The following ATP8A2 variants were observed in gnomAD, a reference collection of about 807,000 sequenced individuals.
ATP8A2 encodes the protein ATPase phospholipid transporting 8A2.
In ATP8A2, 100 loss-of-function variants were observed where a neutral mutation model predicts 165.6. That is an observed-to-expected ratio of 0.60 (90% CI 0.51 to 0.71). The LOEUF is 0.71. Among genes scored for constraint, ATP8A2 ranks in the 30% least tolerant of loss-of-function variants. The pLI, the probability that ATP8A2 is intolerant of heterozygous loss-of-function variation, is 0.00. For missense variants in ATP8A2, 1,227 were observed against 1,479.5 expected (o/e 0.83, Z 2.80); for synonymous variants, 543 against 548.8 (o/e 0.99, Z 0.15).
At chr13:25,567,704 G>A (rs1342094400) in intron 16 of ATP8A2, among the ~76,000 whole-genome samples, 1 of 152,138 alleles carries the variant, frequency 6.6e-6, no homozygotes, top group African/African-American at 2.4e-5. Context: ...AAGCTTTCTT[G>A]GATCCTTGAG....
At chr13:25,525,792 T>G (rs2037824011) in intron 2 of ATP8A2, among the ~76,000 whole-genome samples, 1 of 152,158 alleles carries the variant, frequency 6.6e-6, no homozygotes, top group African/African-American at 2.4e-5. Context: ...AAGTCTTATT[T>G]GGGTCAGATC....
chr13:25,697,961 T>C (rs1051843813), intron 24 of ATP8A2, among the ~76,000 whole-genome samples: 11 of 152,222 alleles, frequency 7.2e-5, no homozygotes, highest in African/African-American at 2.7e-4. Flanking sequence ...TTTTTAATAG[T>C]AGCTGATCCT....
At chr13:25,395,179 G>A (rs1348355019) in intron 1 of ATP8A2, among the ~76,000 whole-genome samples, 2 of 152,086 alleles carry the variant, frequency 1.3e-5, no homozygotes, top group Non-Finnish European at 2.9e-5. Context: ...CTGAACCTAG[G>A]ATGGTAGAGG....
chr13:25,724,842 C>T (rs1029552525), intron 25 of ATP8A2, among the ~76,000 whole-genome samples: 5 of 152,170 alleles, frequency 3.3e-5, no homozygotes, highest in Non-Finnish European at 7.3e-5. Flanking sequence ...TGAGTGAGAA[C>T]AATCAGTATA....
At chr13:25,707,839 T>G (rs2043083821) in intron 25 of ATP8A2, among the ~76,000 whole-genome samples, 1 of 152,212 alleles carries the variant, frequency 6.6e-6, no homozygotes, top group Admixed American at 6.5e-5. Context: ...ACACTAGTGT[T>G]TGTTTGCAGA....
chr13:25,990,085 C>T (rs769088240), intron 35 of ATP8A2, among the ~76,000 whole-genome samples: 5 of 152,162 alleles, frequency 3.3e-5, no homozygotes, highest in Non-Finnish European at 7.3e-5. Flanking sequence ...CTCCCAGGAG[C>T]CTCTGGCAGG....
chr13:25,736,871 C>A (rs1473336233), intron 25 of ATP8A2, among the ~76,000 whole-genome samples: 1 of 152,038 alleles, frequency 6.6e-6, no homozygotes, highest in South Asian at 2.1e-4. Context: ...ATATAACCAG[C>A]GATTGTAGAG....
Position 25,469,000 on chromosome 13 carries a change from T to C in ATP8A2, c.100T>C (p.Tyr34His). Residue 34 changes from tyrosine (Y) to histidine (H), a missense_variant, in exon 2 of 37, where the codon TAT becomes CAT. Tyr to His is a moderately conservative substitution (Grantham distance 83, BLOSUM62 2). This residue lies in a region of ATP8A2 where 356 missense variants were observed against 394.9 expected (regional missense o/e 0.90). Coordinates refer to ENST00000381655, the MANE Select transcript of ATP8A2 (RefSeq NM_016529.6). ...AGGACCTGTTCGTTCTTCTTTGGGCTATAAGAAGGCAGAGGATGAGATGTC... is the reference window on the plus strand; with the variant it reads ...AGGACCTGTTCGTTCTTCTTTGGGCCATAAGAAGGCAGAGGATGAGATGTC... ...SVGPVRSSLG[Y>H]KKAEDEMSRA... 6.2e-7 allele frequency: 1 copy of C among 1,614,028 alleles called. No individual in the cohort carries two copies. The highest frequency in any genetic ancestry group is 8.5e-7 in the Non-Finnish European group (1 of 1,179,884).
At chr13:25,655,288 T>C (rs1392180782) in intron 24 of ATP8A2, among the ~76,000 whole-genome samples, 1 of 152,214 alleles carries the variant, frequency 6.6e-6, no homozygotes, top group African/African-American at 2.4e-5. Flanking sequence ...GCTTCCCAAG[T>C]AGCTGGGATT....
intron 25 of ATP8A2, among the ~76,000 whole-genome samples, chr13:25,704,183 A>C (rs1406385217): frequency 6.6e-6 from 1 of 152,108 alleles, no homozygotes; most frequent in East Asian, 1.9e-4. Context: ...GAACTCTAGA[A>C]ATTCTACAAA....
chr13:25,485,121 T>A (rs2036311820), intron 2 of ATP8A2, among the ~76,000 whole-genome samples: 1 of 152,242 alleles, frequency 6.6e-6, no homozygotes, highest in East Asian at 1.9e-4. Context: ...TAATTTCACA[T>A]AATGACGATG....
chr13:25,710,154 G>A (rs932958007), intron 25 of ATP8A2, among the ~76,000 whole-genome samples: 3 of 152,030 alleles, frequency 2.0e-5, no homozygotes, highest in Non-Finnish European at 2.9e-5. Context: ...CGTACTAATT[G>A]TACATATTTA....
At chr13:25,542,881 A>T (rs919824169) in intron 9 of ATP8A2, among the ~76,000 whole-genome samples, 1 of 151,912 alleles carries the variant, frequency 6.6e-6, no homozygotes, top group African/African-American at 2.4e-5. Flanking sequence ...TTAAAATTTT[A>T]CTCCTTCCTA....
intron 1 of ATP8A2, among the ~76,000 whole-genome samples, chr13:25,415,865 T>C (rs532622052): frequency 6.6e-6 from 1 of 152,308 alleles, no homozygotes; most frequent in South Asian, 2.1e-4. Flanking sequence ...GATCTTGCTC[T>C]GCCACCCAGG....
At chr13:25,420,179 C>G (rs568632355) in intron 1 of ATP8A2, among the ~76,000 whole-genome samples, 1 of 152,150 alleles carries the variant, frequency 6.6e-6, no homozygotes, top group Non-Finnish European at 1.5e-5. Context: ...CAAAGGGAGT[C>G]CTCCTTGTCC....
At chr13:25,744,238 T>C (rs181744142) in intron 25 of ATP8A2, among the ~76,000 whole-genome samples, 1 of 152,350 alleles carries the variant, frequency 6.6e-6, no homozygotes, top group Admixed American at 6.5e-5. Flanking sequence ...TGAAACTGTA[T>C]GCAGCATATC....
chr13:26,012,421 C>T, intron 35 of ATP8A2, 110 bp from the exon 36 acceptor site: 1 of 841,020 alleles, frequency 1.2e-6, no homozygotes, highest in Admixed American at 2.7e-5. Flanking sequence ...CCACGCCTTA[C>T]CCGACGTGGG....
chr13:25,811,730 A>G (rs936716324), intron 27 of ATP8A2, among the ~76,000 whole-genome samples: 2 of 152,264 alleles, frequency 1.3e-5, no homozygotes, highest in South Asian at 4.2e-4. Context: ...GCGTGGTGGC[A>G]TGTTCCTATA....
At chr13:26,012,462 T>C in intron 35 of ATP8A2, 69 bp from the exon 36 acceptor site, 1 of 1,287,442 alleles carries the variant, frequency 7.8e-7, no homozygotes. Flanking sequence ...CCCACCCCCT[T>C]CTGTCTGTCT....
Sources: allele counts gnomAD v4.1 joint callset (sites outside exome capture counted in the v4.1 genomes callset), GRCh38; gene constraint gnomAD v4.1.1; regional missense constraint gnomAD v4.1.1; transcripts MANE v1.5; gene names NCBI Gene and HGNC (gene_info 2026-07-23, HGNC 2026-07-21).